TMIGD3: variants seen among roughly 807,000 people sequenced by gnomAD.
TMIGD3 encodes the protein AD026 protein (AD026).
In TMIGD3, 21 loss-of-function variants were observed where a neutral mutation model predicts 28.1. That is an observed-to-expected ratio of 0.75 (90% confidence interval 0.53 to 1.08). The LOEUF is 1.08. TMIGD3 is among the 50% of genes least tolerant of loss of function. The pLI, the probability that TMIGD3 is intolerant of heterozygous loss-of-function variation, is 0.00. For missense variants in TMIGD3, 416 were observed against 435.6 expected, an observed-to-expected ratio of 0.96 and a Z score of 0.40; for synonymous variants, 151 against 162.1, an observed-to-expected ratio of 0.93 and a Z score of 0.52.
chr1:111,490,452 A>G (rs1571401423), intron 2 of TMIGD3: 3 of 565,368 alleles, frequency 5.3e-6, no homozygotes, highest in Non-Finnish European at 9.4e-6. Flanking sequence ...AAGCTTTTCA[A>G]TTTCCTCACA....
At chr1:111,554,486 A>G (rs1281590279) in intron 1 of TMIGD3, among the ~76,000 whole-genome samples, 4 of 152,246 alleles carry the variant, frequency 2.6e-5, no homozygotes, top group South Asian at 2.1e-4. Flanking sequence ...AATCCAGAGC[A>G]TTTGTTTCAG....
intron 1 of TMIGD3, among the ~76,000 whole-genome samples, chr1:111,519,488 A>G (rs1323980950): frequency 1.3e-5 from 2 of 152,194 alleles, no homozygotes; most frequent in African/African-American, 4.8e-5. Context: ...TAAAATCTTT[A>G]TGAACACAAA....
chr1:111,548,471 G>A (rs368261886), intron 1 of TMIGD3, among the ~76,000 whole-genome samples: 3 of 152,272 alleles, frequency 2.0e-5, no homozygotes, highest in South Asian at 4.1e-4. Context: ...TCCTTTGAAA[G>A]CTCTGCTCTT....
intron 1 of TMIGD3, 68 bp downstream of exon 1, chr1:111,502,916 ACATTTTTACTCAAAAAGTCTG>A (rs1655316071): frequency 6.7e-7 from 1 of 1,493,162 alleles, no homozygotes; most frequent in Admixed American, 2.1e-5. Context: ...CAATTTGGAT[ACATTTTTACTCAAAAAGTCTG>A]GGCTCTGGGC....
At chr1:111,519,394 C>G (rs916379809) in intron 1 of TMIGD3, among the ~76,000 whole-genome samples, 1 of 152,110 alleles carries the variant, frequency 6.6e-6, no homozygotes, top group Non-Finnish European at 1.5e-5. Context: ...TTATCTTCAG[C>G]CATTGTTTAA....
At chr1:111,558,521 A>G (rs927183052) in intron 1 of TMIGD3, among the ~76,000 whole-genome samples, 1 of 152,312 alleles carries the variant, frequency 6.6e-6, no homozygotes, top group East Asian at 1.9e-4. Flanking sequence ...TTTAAAATCC[A>G]CATTTGCTAT....
At chr1:111,518,654 C>A (rs1449380716) in intron 1 of TMIGD3, among the ~76,000 whole-genome samples, 1 of 152,236 alleles carries the variant, frequency 6.6e-6, no homozygotes, top group Non-Finnish European at 1.5e-5. Flanking sequence ...CTGAACCAAG[C>A]TTTGCCTAAC....
At chr1:111,508,291 G>A (rs1655581038), upstream of TMIGD3, among the ~76,000 whole-genome samples, 1 of 152,244 alleles carries the variant, frequency 6.6e-6, no homozygotes, top group Non-Finnish European at 1.5e-5. Context: ...GTGAGGAAGC[G>A]TTTCAGCTGC....
intron 1 of TMIGD3, among the ~76,000 whole-genome samples, chr1:111,552,713 T>C (rs895145119): frequency 2.6e-5 from 4 of 152,218 alleles, no homozygotes; most frequent in Admixed American, 1.3e-4. Flanking sequence ...GAATCATATG[T>C]TGGTGTTTGA....
chr1:111,510,174 C>A (rs527357368), intron 1 of TMIGD3, among the ~76,000 whole-genome samples: 1 of 152,294 alleles, frequency 6.6e-6, no homozygotes, highest in East Asian at 1.9e-4. Flanking sequence ...TATTCCAGGC[C>A]CATGGAGAGC....
chr1:111,501,927 T>C (rs1237199219), intron 1 of TMIGD3, among the ~76,000 whole-genome samples: 1 of 150,908 alleles, frequency 6.6e-6, no homozygotes, highest in Non-Finnish European at 1.5e-5. Flanking sequence ...TCTATTCATA[T>C]GGTCACATGT....
chr1:111,554,460 T>A (rs1657400022), intron 1 of TMIGD3, among the ~76,000 whole-genome samples: 1 of 152,306 alleles, frequency 6.6e-6, no homozygotes, highest in South Asian at 2.1e-4. Context: ...TTCTAGAACA[T>A]TTGCTGGTCC....
Position 111,492,632 on chromosome 1 carries a change from G to A in TMIGD3, c.351-1870C>T, listed in dbSNP as rs148512015. On this transcript the variant is annotated intron_variant, in intron 1 of 5. Transcript: ENST00000369716. ...AGTTCGAGACCAGCCTGGCCAATAT[G>A]GTGAAACCCCATCTCTACTATAAAT... is the stretch of plus-strand genomic sequence containing the variant. Among the ~76,000 whole-genome samples, 1,194 of 152,160 alleles carry A rather than the reference G, an allele frequency of 7.8e-3. 17 individuals are homozygous for A. The highest frequency in any genetic ancestry group is 0.028 in the African/African-American group (1,144 of 41,504).
upstream of TMIGD3, chr1:111,503,720 C>T (rs1655372868): frequency 9.6e-7 from 1 of 1,045,372 alleles, no homozygotes; most frequent in African/African-American, 1.7e-5. Context: ...TGAGTTCCAT[C>T]AAGATAAGCA....
chr1:111,543,305 CA>C (rs1446955115), intron 1 of TMIGD3, among the ~76,000 whole-genome samples: 3 of 151,996 alleles, frequency 2.0e-5, no homozygotes, highest in African/African-American at 7.2e-5. Flanking sequence ...ACCTTAAAAT[CA>C]GAGAAGAACC....
chr1:111,532,848 G>A (rs1032031979), intron 1 of TMIGD3, among the ~76,000 whole-genome samples: 6 of 152,094 alleles, frequency 3.9e-5, no homozygotes, highest in Non-Finnish European at 5.9e-5. Flanking sequence ...GGGTGAAGAT[G>A]GATGAGCTGA....
At chr1:111,534,289 G>C (rs1656565926) in intron 1 of TMIGD3, among the ~76,000 whole-genome samples, 1 of 152,148 alleles carries the variant, frequency 6.6e-6, no homozygotes, top group Non-Finnish European at 1.5e-5. Flanking sequence ...AGTTGGAGTT[G>C]TTTTTAAATC....
intron 2 of TMIGD3, chr1:111,489,466 C>T (rs148199644): frequency 1.3e-6 from 1 of 745,814 alleles, no homozygotes; most frequent in Non-Finnish European, 1.7e-6. Flanking sequence ...CTTGAACTTA[C>T]CACCTTCATA....
At chr1:111,558,528 C>T (rs914755703) in intron 1 of TMIGD3, among the ~76,000 whole-genome samples, 1 of 152,040 alleles carries the variant, frequency 6.6e-6, no homozygotes, top group African/African-American at 2.4e-5. Context: ...TCCACATTTG[C>T]TATTTATAAG....
Sources: allele counts gnomAD v4.1 joint callset (sites outside exome capture counted in the v4.1 genomes callset), GRCh38; gene constraint gnomAD v4.1.1; transcripts MANE v1.5; gene names NCBI Gene and HGNC (gene_info 2026-07-23, HGNC 2026-07-21).